The following TMEM196 variants were observed in gnomAD, a reference collection of about 807,000 sequenced individuals.
TMEM196 encodes transmembrane protein 196.
Under a neutral mutation model 20.0 loss-of-function variants are expected in TMEM196, and 17 were observed. The observed-to-expected ratio is 0.85, with a 90% CI of 0.58 to 1.27. The LOEUF is 1.27. Among genes scored for constraint, TMEM196 ranks in the 50% most tolerant of loss-of-function variants. The pLI is 0.00. For missense variants in TMEM196, 267 were observed against 223.0 expected, an observed-to-expected ratio of 1.20 and a Z score of -1.26; for synonymous variants, 113 against 88.9, an observed-to-expected ratio of 1.27 and a Z score of -1.52.
At chr7:19,730,072 C>T (rs1378551053) in intron 1 of TMEM196, among the ~76,000 whole-genome samples, 1 of 151,884 alleles carries the variant, frequency 6.6e-6, no homozygotes, top group Non-Finnish European at 1.5e-5. Flanking sequence ...CTGGCTAACA[C>T]GGTGAAACCC....
chr7:19,741,897 T>A (rs1057384175), intron 1 of TMEM196, among the ~76,000 whole-genome samples: 13 of 152,180 alleles, frequency 8.5e-5, no homozygotes, highest in African/African-American at 2.4e-4. Flanking sequence ...GAATAGCTTT[T>A]CCCTTTTGGC....
intron 1 of TMEM196, among the ~76,000 whole-genome samples, chr7:19,768,677 A>G (rs1300136181): frequency 6.6e-6 from 1 of 152,194 alleles, no homozygotes; most frequent in East Asian, 1.9e-4. Flanking sequence ...GTAGATGACC[A>G]TATCAGCTAT....
chr7:19,722,020 G>C lies in TMEM196; in HGVS notation c.*108C>G. On this transcript the variant is annotated 3_prime_UTR_variant, in exon 5 of 5. Transcript: ENST00000405844. ...AACTGTTTTATTTTCTAGTCCTTTG[G>C]TGTCTCATTGCCTCATGAAAATCCT... 7.1e-7 allele frequency: 1 copy of C among 1,400,286 alleles called. No individual in the cohort carries two copies. Among genetic ancestry groups the C allele is most frequent in the African/African-American group, 1.4e-5 (1 of 69,390 alleles). 86.7% of individuals were successfully genotyped at this position (1,400,286 alleles called of 1,614,324 possible). A position where few individuals can be genotyped will look rare whatever the true frequency, so the allele number is the denominator to read the frequency against.
At chr7:19,747,567 C>T (rs2128028277) in intron 1 of TMEM196, among the ~76,000 whole-genome samples, 1 of 152,184 alleles carries the variant, frequency 6.6e-6, no homozygotes, top group East Asian at 1.9e-4. Flanking sequence ...AACTGATCCT[C>T]AGATACATTT....
intron 1 of TMEM196, among the ~76,000 whole-genome samples, chr7:19,755,358 C>T (rs1009679021): frequency 1.3e-5 from 2 of 152,096 alleles, no homozygotes; most frequent in Admixed American, 1.3e-4. Flanking sequence ...CGTGCACATA[C>T]AAAAATTTCA....
In TMEM196 at chr7:19,724,291, C is replaced by G; in HGVS notation, c.522G>C (p.Glu174Asp). The change falls in exon 4 of 5, where the codon GAG (glutamate) becomes GAC (aspartate). Residue 174 changes from glutamate to aspartate, a missense_variant. Transcript: ENST00000405844. The part of the protein sequence containing the change: ...PSCPVVPPTP[E>D]LPTRK ...AGAAATCAGCGTACCTTGTAGGTAACTCTGGTGTCGGGGGCACCACCGGGC... is the reference window on the plus strand; with the variant it reads ...AGAAATCAGCGTACCTTGTAGGTAAGTCTGGTGTCGGGGGCACCACCGGGC... 2.6e-6 allele frequency: 4 copies of G among 1,550,308 alleles called. No individual in the cohort carries two copies. The highest frequency in any genetic ancestry group is 4.9e-5 in the East Asian group (2 of 40,912).
chr7:19,752,063 CAT>C (rs1179726281), intron 1 of TMEM196, among the ~76,000 whole-genome samples: 25 of 152,176 alleles, frequency 1.6e-4, no homozygotes, highest in Admixed American at 1.6e-3. Flanking sequence ...TTCTGAATGT[CAT>C]GTTTTAAAGC....
chr7:19,758,500 C>A (rs4719581), intron 1 of TMEM196, among the ~76,000 whole-genome samples: 79,712 of 151,956 alleles, frequency 0.52, 24,172 homozygotes, highest in East Asian at 0.9. Context: ...AATCATCTGT[C>A]GAAATAATGT....
At chr7:19,761,680 T>A (rs886201284) in intron 1 of TMEM196, among the ~76,000 whole-genome samples, 3 of 152,140 alleles carry the variant, frequency 2.0e-5, no homozygotes, top group Non-Finnish European at 4.4e-5. Context: ...AAGATGCACA[T>A]CAGGTAGTGA....
At chr7:19,745,951 T>C (rs2128027012) in intron 1 of TMEM196, among the ~76,000 whole-genome samples, 1 of 152,228 alleles carries the variant, frequency 6.6e-6, no homozygotes, top group Non-Finnish European at 1.5e-5. Context: ...ATTTTATTTA[T>C]TTTAAAGTGC....
At chr7:19,724,562 T>G (rs375477304) in intron 3 of TMEM196, among the ~76,000 whole-genome samples, 5 of 152,234 alleles carry the variant, frequency 3.3e-5, no homozygotes, top group African/African-American at 1.2e-4. Context: ...ATAGCTGTGT[T>G]TAAAATTGCT....
chr7:19,738,543 A>G (rs1294015932), intron 1 of TMEM196, among the ~76,000 whole-genome samples: 4 of 152,094 alleles, frequency 2.6e-5, no homozygotes, highest in African/African-American at 9.7e-5. Flanking sequence ...AAAAGGAACC[A>G]TGCATCCTTG....
chr7:19,743,032 G>A (rs1311382150), intron 1 of TMEM196, among the ~76,000 whole-genome samples: 1 of 152,134 alleles, frequency 6.6e-6, no homozygotes, highest in African/African-American at 2.4e-5. Context: ...GGGAGAGGAG[G>A]TTACTGTTGC....
intron 1 of TMEM196, among the ~76,000 whole-genome samples, chr7:19,752,134 T>C (rs866678935): frequency 5.3e-5 from 8 of 152,240 alleles, no homozygotes; most frequent in Admixed American, 1.3e-4. Context: ...ACATAAGATG[T>C]TGGTCATCAT....
At chr7:19,768,594 T>C (rs1785729783) in intron 1 of TMEM196, among the ~76,000 whole-genome samples, 1 of 152,282 alleles carries the variant, frequency 6.6e-6, no homozygotes, top group African/African-American at 2.4e-5. Context: ...GACTATATCT[T>C]TTCCAAGGCA....
At chr7:19,723,760 A>G (rs534390898) in intron 4 of TMEM196, among the ~76,000 whole-genome samples, 1 of 152,278 alleles carries the variant, frequency 6.6e-6, no homozygotes, top group African/African-American at 2.4e-5. Context: ...AACCATTACT[A>G]TTTATTTTTA....
chr7:19,760,644 A>T (rs1175462188), intron 1 of TMEM196, among the ~76,000 whole-genome samples: 1 of 152,162 alleles, frequency 6.6e-6, no homozygotes, highest in African/African-American at 2.4e-5. Context: ...TATAGGCGTG[A>T]GCCACTGCGC....
chr7:19,761,260 C>T (rs1371249713), intron 1 of TMEM196, among the ~76,000 whole-genome samples: 1 of 152,266 alleles, frequency 6.6e-6, no homozygotes, highest in East Asian at 1.9e-4. Flanking sequence ...TTTTCTTAGT[C>T]GATGGAAAAC....
chr7:19,730,005 C>G (rs1397498911), intron 1 of TMEM196, among the ~76,000 whole-genome samples: 1 of 152,034 alleles, frequency 6.6e-6, no homozygotes, highest in Non-Finnish European at 1.5e-5. Context: ...ACCTGTAATC[C>G]CAGTACTTTG....
Sources: allele counts gnomAD v4.1 joint callset (sites outside exome capture counted in the v4.1 genomes callset), GRCh38; gene constraint gnomAD v4.1.1; transcripts MANE v1.5; gene names NCBI Gene and HGNC (gene_info 2026-07-23, HGNC 2026-07-21).